TMEM268: variants seen among roughly 807,000 people sequenced by gnomAD.
TMEM268 encodes the protein transmembrane protein 268.
A neutral mutation model predicts 39.1 loss-of-function variants in TMEM268; 24 were observed. That is an observed-to-expected ratio of 0.61 (90% confidence interval 0.44 to 0.86). The LOEUF is 0.86. TMEM268 is among the 40% of genes least tolerant of loss of function. The pLI is 0.00. For missense variants in TMEM268, 409 were observed against 428.6 expected (o/e 0.95, Z 0.40); for synonymous variants, 176 against 173.5 (o/e 1.01, Z -0.12).
chr9:114,606,073 T>G, the TMEM268 span, among the ~76,000 whole-genome samples: 1 of 151,360 alleles, frequency 6.6e-6, no homozygotes, highest in African/African-American at 2.4e-5. Context: ...TCTTAGGTGG[T>G]TTTTAAAGAT....
chr9:114,628,108 A>G lies in TMEM268; in HGVS notation c.332A>G (p.Tyr111Cys). The G allele has an allele frequency of 2.5e-6, 4 of 1,613,438 alleles. No individual in the cohort carries two copies. The highest frequency in any genetic ancestry group is 2.5e-6 in the Non-Finnish European group (3 of 1,179,442). ...CTGTCTGGCATCTTGCAGGTTTTCT[A>G]TGTGGTGGTGTGGGCCAATATCTAC... is the stretch of plus-strand genomic sequence containing the variant. ...PMRLAFAVVF[Y>C]VVVWANIYST... Residue 111 changes from tyrosine (Y) to cysteine (C), a missense_variant, in exon 5 of 9, where the codon TAT becomes TGT. Transcript: ENST00000288502.
At chr9:114,626,796 G>A (rs974565409) in intron 3 of TMEM268, 103 bp from the exon 4 acceptor site, 11 of 785,386 alleles carry the variant, frequency 1.4e-5, no homozygotes, top group Non-Finnish European at 2.1e-5. Flanking sequence ...CTGCCTTTGG[G>A]ACAGCCCAGA....
Position 114,624,173 on chromosome 9 carries a change from G to A in TMEM268, c.107-177G>A, listed in dbSNP as rs897353693. ...TCTGGCCTTAATTCTGCCTCCTGGG[G>A]GCTTCCCAGTCAAATCCAGTCCTTC... On this transcript the variant is annotated intron_variant, in intron 2 of 8. Transcript: ENST00000288502. 4.4e-5 allele frequency: 60 copies of A among 1,361,222 alleles called. No individual in the cohort carries two copies. The African/African-American group carries it at 8.5e-4, about 19-fold the overall frequency. The allele number at this position is 1,361,222 out of a possible 1,614,324, so 84.3% of individuals were successfully genotyped here. A position where few individuals can be genotyped will look rare whatever the true frequency, so the allele number is the denominator to read the frequency against.
At chr9:114,619,499 T>G (rs560088760) in intron 2 of TMEM268, among the ~76,000 whole-genome samples, 1 of 152,332 alleles carries the variant, frequency 6.6e-6, no homozygotes, top group African/African-American at 2.4e-5. Context: ...TTGCATTGCT[T>G]GGGCAAACAC....
intron 5 of TMEM268, among the ~76,000 whole-genome samples, chr9:114,630,491 G>A (rs967736201): frequency 6.6e-6 from 1 of 152,172 alleles, no homozygotes. Context: ...ATTGTATGCT[G>A]TATGCTTGGG....
Position 114,614,404 on chromosome 9 carries a change from C to G in TMEM268, c.-78-2714C>G, listed in dbSNP as rs943132958. ...GGGTCCCCCACTTAGGAAGCCCCTC[C>G]CATTTGGTTTAATGCTGTGCTGTCG... On this transcript the variant is annotated intron_variant, in intron 1 of 8. Transcript: ENST00000288502. Among the ~76,000 whole-genome samples the G allele has an allele frequency of 3.9e-5, 6 of 152,202 alleles. 1 individual carries two copies. Among genetic ancestry groups the G allele is most frequent in the Admixed American group, 3.9e-4 (6 of 15,270 alleles).
chr9:114,627,073 C>A, intron 4 of TMEM268, 67 bp downstream of exon 4: 1 of 1,189,020 alleles, frequency 8.4e-7, no homozygotes, highest in Non-Finnish European at 1.2e-6. Flanking sequence ...AATTCAGCAC[C>A]GTGTCTTGGA....
chr9:114,615,892 A>C (rs996130555), intron 1 of TMEM268, among the ~76,000 whole-genome samples: 1 of 150,896 alleles, frequency 6.6e-6, no homozygotes, highest in African/African-American at 2.4e-5. Flanking sequence ...GGGTTTTGCC[A>C]TGTTGGCCAG....
chr9:114,627,086 C>T (rs1055333861), intron 4 of TMEM268, 80 bp downstream of exon 4: 8 of 1,068,540 alleles, frequency 7.5e-6, no homozygotes, highest in Admixed American at 3.5e-5. Context: ...GTCTTGGAGC[C>T]TGTTGGTGTG....
In TMEM268 at chr9:114,643,519, C is replaced by G; in HGVS notation, c.*206C>G. The G allele has an allele frequency of 1.7e-6, 1 of 572,638 alleles. No homozygotes were observed. Among genetic ancestry groups the G allele is most frequent in the African/African-American group, 1.9e-5 (1 of 53,550 alleles). The allele number at this position is 572,638 out of a possible 1,614,324, so 35.5% of individuals were successfully genotyped here. On this transcript the variant is annotated 3_prime_UTR_variant, in exon 9 of 9. Transcript: ENST00000288502. ...TTGTTTGACATCTCATGCTGACCCCCTGGCCTTTGCAGAAGCTGATGGTTA... is the reference window on the plus strand; with the variant it reads ...TTGTTTGACATCTCATGCTGACCCCGTGGCCTTTGCAGAAGCTGATGGTTA...
rs371545439 is a variant in TMEM268 at position 114,643,125 on chromosome 9, C to T, written c.850-9C>T. 9 of 1,613,918 alleles carry T rather than the reference C, an allele frequency of 5.6e-6. No homozygotes were observed. The African/African-American group carries it at 8.0e-5, about 14-fold the overall frequency. On this transcript the variant is annotated splice_polypyrimidine_tract_variant and intron_variant, in intron 8 of 8. Transcript: ENST00000288502. The stretch of plus-strand genomic sequence containing the variant: ...TGTGGTATTCAATCTGCTTCCCTGC[C>T]TCTTCTAGGAAATGGCCCGCCAGCT...
At chr9:114,637,481 A>AC (rs1846693483) in intron 7 of TMEM268, among the ~76,000 whole-genome samples, 1 of 151,482 alleles carries the variant, frequency 6.6e-6, no homozygotes, top group Non-Finnish European at 1.5e-5. Flanking sequence ...TTTAGTAGAG[A>AC]CGGGGTTTCA....
chr9:114,628,169 G>C lies in TMEM268; in HGVS notation c.393G>C (p.Trp131Cys). ...AGATGTTTGCCTTGGGGAACCACTG[G>C]GCTGGCATGCTGCTCGTGACCCTGG... ...TSQMFALGNH[W>C]AGMLLVTLAA... The change falls in exon 5 of 9, where the codon TGG (tryptophan) becomes TGC (cysteine). Residue 131 changes from tryptophan to cysteine, a missense_variant. Transcript: ENST00000288502. 6.2e-7 allele frequency: 1 copy of C among 1,614,122 alleles called. No homozygotes were observed. Among genetic ancestry groups the C allele is most frequent in the East Asian group, 2.2e-5 (1 of 44,888 alleles).
the TMEM268 span, among the ~76,000 whole-genome samples, chr9:114,604,384 C>T: frequency 6.6e-6 from 1 of 151,742 alleles, no homozygotes; most frequent in South Asian, 2.1e-4. Flanking sequence ...TCGAGACGAG[C>T]CTGGCCAACA....
In TMEM268 at chr9:114,617,100, T is replaced by C. The variant is rs1012766305; in HGVS notation, c.-78-18T>C. 1.2e-5 allele frequency: 10 copies of C among 807,054 alleles called. No homozygotes were observed. The highest frequency in any genetic ancestry group is 1.8e-5 in the African/African-American group (1 of 55,672). 50.0% of individuals were successfully genotyped at this position (807,054 alleles called of 1,614,324 possible). On this transcript the variant is annotated intron_variant, in intron 1 of 8. Transcript: ENST00000288502. ...CCAGGCTCAGGCCTGAAGTTCTTTT[T>C]TGTGCTGTTTTCTGAAGGCATATGA...
At chr9:114,632,177 A>AT (rs59541376) in intron 5 of TMEM268, among the ~76,000 whole-genome samples, 15 of 150,954 alleles carry the variant, frequency 9.9e-5, no homozygotes, top group South Asian at 4.2e-4. Flanking sequence ...TTCTAAGTAG[A>AT]TTTTTTTTTA....
In TMEM268 at chr9:114,635,689, G is replaced by A. The variant is rs566322961; in HGVS notation, c.586-1301G>A. Among the ~76,000 whole-genome samples, 8 of 152,200 alleles carry A rather than the reference G, an allele frequency of 5.3e-5. No homozygotes were observed. In the South Asian group the frequency reaches 1.2e-3, roughly 24 times the overall value. On this transcript the variant is annotated intron_variant, in intron 6 of 8. Transcript: ENST00000288502. The stretch of plus-strand genomic sequence containing the variant: ...GTGAGACCCTGTCTCAAAAAAAAAA[G>A]AATGGACACATCTTTTTAGACAACT...
At chr9:114,610,475 C>T (rs1366022307), upstream of TMEM268, among the ~76,000 whole-genome samples, 1 of 152,162 alleles carries the variant, frequency 6.6e-6, no homozygotes, top group African/African-American at 2.4e-5. Flanking sequence ...GGTACTTTGT[C>T]GAATGAAAAA....
intron 2 of TMEM268, among the ~76,000 whole-genome samples, chr9:114,623,014 T>C (rs1203386900): frequency 6.6e-6 from 1 of 152,028 alleles, no homozygotes; most frequent in Admixed American, 6.6e-5. Flanking sequence ...CACTTGAACC[T>C]GGGAGGTGGA....
Sources: allele counts gnomAD v4.1 joint callset (sites outside exome capture counted in the v4.1 genomes callset), GRCh38; gene constraint gnomAD v4.1.1; transcripts MANE v1.5; gene names NCBI Gene and HGNC (gene_info 2026-07-23, HGNC 2026-07-21).